The following NAGK variants were observed in gnomAD, a reference collection of about 807,000 sequenced individuals.
The protein encoded by NAGK is N-acetylglucosamine kinase, also known as N-acetyl-D-glucosamine kinase.
Under a neutral mutation model 42.9 loss-of-function variants are expected in NAGK, and 35 were observed. That is an observed-to-expected ratio of 0.82 (90% CI 0.62 to 1.08). The LOEUF (loss-of-function observed/expected upper bound fraction) is 1.08. NAGK is among the 50% of genes least tolerant of loss of function. The probability of loss-of-function intolerance (pLI) is 0.00; values close to 1 mark genes in which losing one functional copy is unlikely to be tolerated. For missense variants in NAGK, 446 were observed against 446.0 expected (o/e 1.00, Z 0.00); for synonymous variants, 172 against 176.0 (o/e 0.98, Z 0.18).
In NAGK at chr2:71,073,328, C is replaced by T. The variant is rs915261666; in HGVS notation, c.467-154C>T. Reference sequence around the variant, plus strand: ...CAGTTTGATAGAGACCCTCCCACCCCCCTCTCCCACCCCCTGCCACCCCTG... The same window carrying T: ...CAGTTTGATAGAGACCCTCCCACCCTCCTCTCCCACCCCCTGCCACCCCTG... On this transcript the variant is annotated intron_variant, in intron 5 of 9. Transcript: ENST00000244204. 11 of 438,458 alleles carry T rather than the reference C, an allele frequency of 2.5e-5. No homozygotes were observed. The East Asian group carries it at 5.7e-4, about 23-fold the overall frequency. 27.2% of individuals were successfully genotyped at this position (438,458 alleles called of 1,614,324 possible). A position where few individuals can be genotyped will look rare whatever the true frequency, so the allele number is the denominator to read the frequency against.
At position 71,070,527 on chromosome 2, in the gene NAGK, T is replaced by C. The variant is rs1671961834; in HGVS notation, c.55T>C (p.Leu19=). The part of the protein sequence containing the change: ...EGGGTRSEVL[L]VSEDGKILAE... ...GGGAGGCACACGATCCGAGGTCCTTTTAGTCTCAGAGGATGGGAAGATCCT... is the reference window on the plus strand; with the variant it reads ...GGGAGGCACACGATCCGAGGTCCTTCTAGTCTCAGAGGATGGGAAGATCCT... The change falls in exon 2 of 10, where the codon TTA becomes CTA. Residue 19 remains leucine, a synonymous_variant. Coordinates refer to ENST00000244204, the MANE Select transcript of NAGK (RefSeq NM_017567.6). 8 of 1,614,066 alleles carry C rather than the reference T, an allele frequency of 5.0e-6. No individual in the cohort carries two copies. The highest frequency in any genetic ancestry group is 6.8e-6 in the Non-Finnish European group (8 of 1,179,988).
At chr2:71,075,225 C>T (rs971533994) in intron 6 of NAGK, 9 of 208,850 alleles carry the variant, frequency 4.3e-5, no homozygotes, top group African/African-American at 2.1e-4. Context: ...TTAAGGCCAG[C>T]CTAGGCAACA....
chr2:71,070,692 A>G (rs1671969847), intron 2 of NAGK, 49 bp from the exon 3 acceptor site: 2 of 1,612,460 alleles, frequency 1.2e-6, no homozygotes, highest in South Asian at 1.1e-5. Context: ...TGGGGGCAAC[A>G]TAGCTTCTGT....
intron 1 of NAGK, 197 bp downstream of exon 1, chr2:71,068,909 A>G: frequency 3.1e-6 from 4 of 1,301,966 alleles, no homozygotes; most frequent in Non-Finnish European, 2.9e-6. Context: ...TGCCTGTGCA[A>G]CAGCCACACC....
chr2:71,073,361 A>G, intron 5 of NAGK, 121 bp from the exon 6 acceptor site: 1 of 483,016 alleles, frequency 2.1e-6, no homozygotes, highest in East Asian at 5.3e-5. Context: ...CTGGCTGGGA[A>G]TCAGGAAACC....
At chr2:71,071,103 CT>C in intron 3 of NAGK, 1 of 472,136 alleles carries the variant, frequency 2.1e-6, no homozygotes, top group Non-Finnish European at 3.9e-6. Flanking sequence ...CTGCGTAACC[CT>C]GTGTAGGTTA....
intron 2 of NAGK, 69 bp downstream of exon 2, chr2:71,070,655 G>A: frequency 6.2e-7 from 1 of 1,603,534 alleles, no homozygotes; most frequent in Non-Finnish European, 8.5e-7. Flanking sequence ...CTGTTGAGGT[G>A]GTGGCTGGGA....
At chr2:71,068,382 T>TG (rs1671855195), upstream of NAGK, 2 of 1,059,036 alleles carry the variant, frequency 1.9e-6, no homozygotes, top group East Asian at 6.4e-5. Context: ...ATACCCCTCT[T>TG]TGATTCCTCC....
At chr2:71,075,892 T>C in intron 7 of NAGK, 1 of 522,636 alleles carries the variant, frequency 1.9e-6, no homozygotes, top group East Asian at 3.0e-5. Context: ...TTAGGCTGTA[T>C]GCCTGTTTCT....
rs376296958 is a variant in NAGK at position 71,070,687 on chromosome 2, GC to G, written c.115-53del. ...GGGACTCACAGAGCAGCCTGTGGGGGCAACATAGCTTCTGTAAGCCTTTGTA... is the reference window on the plus strand; with the variant it reads ...GGGACTCACAGAGCAGCCTGTGGGGGAACATAGCTTCTGTAAGCCTTTGTA... On this transcript the variant is annotated intron_variant, in intron 2 of 9. Transcript: ENST00000244204. 1,395 of 1,610,078 alleles carry G rather than the reference GC, an allele frequency of 8.7e-4. 21 individuals carry two copies. The African/African-American group carries it at 0.017, about 19-fold the overall frequency.
In NAGK at chr2:71,075,629, G is replaced by T; in HGVS notation, c.654G>T (p.Arg218=). ...AATGCAGGTTTGCTGGGTTTTGCCG[G>T]AAAATTGCAGAAGGTACTGGAGGTG... is the stretch of plus-strand genomic sequence containing the variant. ...FDKCRFAGFC[R]KIAEGAQQGD... The change falls in exon 7 of 10, where the codon CGG becomes CGT. Residue 218 remains arginine (R), a synonymous_variant. Coordinates refer to ENST00000244204, the MANE Select transcript of NAGK (RefSeq NM_017567.6). The T allele has an allele frequency of 6.2e-7, 1 of 1,605,664 alleles. No homozygotes were observed. The highest frequency in any genetic ancestry group is 1.3e-5 in the African/African-American group (1 of 74,828).
chr2:71,073,675 G>A, intron 6 of NAGK, 81 bp downstream of exon 6: 3 of 1,183,248 alleles, frequency 2.5e-6, no homozygotes, highest in Non-Finnish European at 3.8e-6. Context: ...TGCAGGGGAG[G>A]GCCTGGGCGG....
In NAGK at chr2:71,071,762, A is replaced by G. The variant is rs753720648; in HGVS notation, c.290A>G (p.Tyr97Cys). Residue 97 changes from tyrosine (Y) to cysteine (C), a missense_variant, in exon 4 of 10, where the codon TAC becomes TGC. Coordinates refer to ENST00000244204, the MANE Select transcript of NAGK (RefSeq NM_017567.6). ...LIEELRDRFP[Y>C]LSESYLITTD... ...GAGGAGCTGAGGGACCGATTTCCCT[A>G]CCTGAGTGAAAGCTACTTAATCACC... The G allele has an allele frequency of 6.8e-6, 11 of 1,614,052 alleles. No individual in the cohort carries two copies. The Admixed American group carries it at 1.3e-4, about 20-fold the overall frequency.
At chr2:71,077,990 G>C (rs1672277272) in intron 9 of NAGK, among the ~76,000 whole-genome samples, 1 of 152,222 alleles carries the variant, frequency 6.6e-6, no homozygotes, top group African/African-American at 2.4e-5. Context: ...AAGAAAAGAG[G>C]CCTGGCTTCT....
intron 3 of NAGK, 157 bp downstream of exon 3, chr2:71,070,996 C>T (rs556226287): frequency 9.8e-6 from 7 of 712,502 alleles, no homozygotes; most frequent in Non-Finnish European, 1.7e-5. Context: ...CTCATGGCTT[C>T]AGTTGCCACC....
At chr2:71,075,944 C>T in intron 7 of NAGK, 1 of 417,394 alleles carries the variant, frequency 2.4e-6, no homozygotes, top group Non-Finnish European at 4.4e-6. Flanking sequence ...AAATCTATAA[C>T]TTTCTTTTCC....
chr2:71,072,902 G>C, intron 5 of NAGK, 151 bp downstream of exon 5: 1 of 730,516 alleles, frequency 1.4e-6, no homozygotes, highest in South Asian at 1.5e-5. Flanking sequence ...GATCATGACT[G>C]AGATCATAGA....
At chr2:71,069,863 C>G (rs1671933427) in intron 1 of NAGK, 1 of 156,320 alleles carries the variant, frequency 6.4e-6, no homozygotes, top group Non-Finnish European at 1.4e-5. Flanking sequence ...CAGTAATCAA[C>G]ATTTGAAGGT....
At chr2:71,076,543 C>G in intron 7 of NAGK, 61 bp from the exon 8 acceptor site, 1 of 1,360,326 alleles carries the variant, frequency 7.4e-7, no homozygotes, top group Non-Finnish European at 1.0e-6. Flanking sequence ...GAGAGGATAG[C>G]CCAGGAATGG....
Sources: gnomAD v4.1 joint callset for allele counts (sites outside exome capture counted in the v4.1 genomes callset) on GRCh38, gnomAD v4.1.1 for gene constraint, MANE v1.5 for transcripts, NCBI Gene and HGNC (gene_info 2026-07-23, HGNC 2026-07-21) for gene names.